Variants in SLC22A3 observed in about 807,000 individuals in gnomAD.
The protein encoded by SLC22A3 is EMT organic cation transporter 3.
SLC22A3 carries 51 observed loss-of-function variants against 59.1 expected under a neutral mutation model. The observed-to-expected ratio is 0.86, with a 90% CI of 0.69 to 1.09. The LOEUF is 1.09. Among genes scored for constraint, SLC22A3 ranks in the 50% least tolerant of loss-of-function variants. The probability of loss-of-function intolerance (pLI) is 0.00; values close to 1 mark genes in which losing one functional copy is unlikely to be tolerated. For synonymous variants in SLC22A3, 325 were observed against 292.0 expected, an observed-to-expected ratio of 1.11 and a Z score of -1.15; for missense variants, 711 against 726.3, an observed-to-expected ratio of 0.98 and a Z score of 0.24.
In SLC22A3 at chr6:160,348,433, A is replaced by C. The variant is rs774888334; in HGVS notation, c.14A>C (p.Asp5Ala). The part of the protein sequence containing the change: MPSF[D>A]EALQRVGEFG... ...GGCGGGCGCACCATGCCCTCCTTCG[A>C]CGAGGCGCTGCAGCGGGTGGGCGAG... is the stretch of plus-strand genomic sequence containing the variant. The change falls in exon 1 of 11, where the codon GAC becomes GCC. Residue 5 changes from aspartate (D) to alanine (A), a missense_variant. Physicochemically the swap from Asp to Ala is moderately radical, Grantham distance 126. Coordinates refer to ENST00000275300, the MANE Select transcript of SLC22A3 (RefSeq NM_021977.4). 6.6e-6 allele frequency: 10 copies of C among 1,508,644 alleles called. No homozygotes were observed. Among genetic ancestry groups the C allele is most frequent in the Non-Finnish European group, 8.8e-6 (10 of 1,132,540 alleles). 93.5% of individuals were successfully genotyped at this position (1,508,644 alleles called of 1,614,324 possible). A position where few individuals can be genotyped will look rare whatever the true frequency, so the allele number is the denominator to read the frequency against.
chr6:160,432,139 C>A (rs978658025), intron 5 of SLC22A3, among the ~76,000 whole-genome samples: 2 of 152,156 alleles, frequency 1.3e-5, no homozygotes, highest in African/African-American at 2.4e-5. Context: ...CCCAGAAGTC[C>A]ATTTCTCATT....
Position 160,415,548 on chromosome 6 carries a change from C to T in SLC22A3, c.975+4702C>T, listed in dbSNP as rs73590848. ...ACAGTTTCCAGGATGTTCAGACCCACGACTGAAGTTCCCAGCAATCTCTTT... is the reference window on the plus strand; with the variant it reads ...ACAGTTTCCAGGATGTTCAGACCCATGACTGAAGTTCCCAGCAATCTCTTT... On this transcript the variant is annotated intron_variant, in intron 5 of 10. Coordinates refer to ENST00000275300, the MANE Select transcript of SLC22A3 (RefSeq NM_021977.4). This position sits in a 1 kb window ranked among gnomAD's most constrained non-coding sequence, Gnocchi z 4.1. 0.027 allele frequency among the ~76,000 whole-genome samples: 4,117 copies of T among 152,300 alleles called. 175 individuals are homozygous for T. The highest frequency in any genetic ancestry group is 0.095 in the African/African-American group (3,936 of 41,560).
chr6:160,394,321 GA>G (rs1562482408), intron 1 of SLC22A3, among the ~76,000 whole-genome samples: 1 of 152,196 alleles, frequency 6.6e-6, no homozygotes, highest in Non-Finnish European at 1.5e-5. Flanking sequence ...CTTTATATCA[GA>G]AAAAAGTACT....
At chr6:160,438,576 C>A (rs773955701) in intron 7 of SLC22A3, among the ~76,000 whole-genome samples, 9 of 112,728 alleles carry the variant, frequency 8.0e-5, no homozygotes, top group Non-Finnish European at 1.2e-4. Flanking sequence ...TGCCAATATT[C>A]GGAACACACA....
chr6:160,383,068 C>G (rs1457612319), intron 1 of SLC22A3, among the ~76,000 whole-genome samples: 1 of 152,104 alleles, frequency 6.6e-6, no homozygotes, highest in Non-Finnish European at 1.5e-5. Flanking sequence ...CCAAGCTCTG[C>G]CTGTGCATTA....
At chr6:160,411,328 A>G (rs2114861651) in intron 5 of SLC22A3, among the ~76,000 whole-genome samples, 1 of 152,296 alleles carries the variant, frequency 6.6e-6, no homozygotes, top group Non-Finnish European at 1.5e-5. Flanking sequence ...GCAGTAATGT[A>G]ATATTTCAGC....
At chr6:160,401,971 A>G (rs1483249637) in intron 2 of SLC22A3, among the ~76,000 whole-genome samples, 1 of 151,992 alleles carries the variant, frequency 6.6e-6, no homozygotes, top group African/African-American at 2.4e-5. Flanking sequence ...AAACATAAGA[A>G]TAAAAAATAA....
intron 1 of SLC22A3, among the ~76,000 whole-genome samples, chr6:160,352,503 A>G (rs1382738601): frequency 7.2e-5 from 11 of 152,088 alleles, no homozygotes; most frequent in Non-Finnish European, 1.2e-4. Flanking sequence ...GCTTGCTAAT[A>G]TGGTATGGAT....
chr6:160,384,685 G>A (rs919585408), intron 1 of SLC22A3, among the ~76,000 whole-genome samples: 1 of 152,130 alleles, frequency 6.6e-6, no homozygotes, highest in African/African-American at 2.4e-5. Flanking sequence ...GTGGGAAGGA[G>A]ATCTAAGTGC....
chr6:160,366,676 A>C (rs902780116), intron 1 of SLC22A3, among the ~76,000 whole-genome samples: 5 of 152,130 alleles, frequency 3.3e-5, no homozygotes, highest in Non-Finnish European at 7.3e-5. Context: ...CACAATACAC[A>C]TCTGCCTGGA....
intron 1 of SLC22A3, among the ~76,000 whole-genome samples, chr6:160,353,202 CA>C (rs1474845581): frequency 6.6e-6 from 1 of 152,150 alleles, no homozygotes; most frequent in Non-Finnish European, 1.5e-5. Context: ...GCAGAATGGC[CA>C]AACAGATTCA....
intron 1 of SLC22A3, among the ~76,000 whole-genome samples, chr6:160,394,225 A>T (rs772660679): frequency 3.3e-5 from 5 of 152,246 alleles, no homozygotes; most frequent in Non-Finnish European, 7.3e-5. Context: ...TTCAGACTTA[A>T]GTGAATTGTT....
At chr6:160,433,287 A>C (rs1438409124) in intron 5 of SLC22A3, among the ~76,000 whole-genome samples, 1 of 152,234 alleles carries the variant, frequency 6.6e-6, no homozygotes, top group Non-Finnish European at 1.5e-5. Context: ...GAGAAAGGCA[A>C]TTATCTACAG....
chr6:160,384,671 C>T (rs1370809227), intron 1 of SLC22A3, among the ~76,000 whole-genome samples: 3 of 152,090 alleles, frequency 2.0e-5, no homozygotes, highest in Non-Finnish European at 4.4e-5. Context: ...GTCTGGGAGG[C>T]TGGGTGGGAA....
At chr6:160,351,324 C>T (rs1403873753) in intron 1 of SLC22A3, among the ~76,000 whole-genome samples, 1 of 152,156 alleles carries the variant, frequency 6.6e-6, no homozygotes, top group Non-Finnish European at 1.5e-5. Context: ...ACTGTGTTAG[C>T]CAGGATGGTC....
intron 5 of SLC22A3, among the ~76,000 whole-genome samples, chr6:160,432,993 C>G (rs1384057211): frequency 6.6e-6 from 1 of 152,174 alleles, no homozygotes; most frequent in Non-Finnish European, 1.5e-5. Context: ...ATTCAGGGGT[C>G]AGCAAACTAC....
chr6:160,434,492 G>A (rs1788266604), intron 5 of SLC22A3, among the ~76,000 whole-genome samples: 2 of 152,190 alleles, frequency 1.3e-5, no homozygotes, highest in African/African-American at 4.8e-5. Context: ...ATTAACAGAA[G>A]TACTAACTTT....
intron 4 of SLC22A3, among the ~76,000 whole-genome samples, chr6:160,410,212 T>C (rs1787189923): frequency 6.6e-6 from 1 of 152,210 alleles, no homozygotes; most frequent in African/African-American, 2.4e-5. Flanking sequence ...AGACAGAGTC[T>C]TACCATGTTG....
chr6:160,381,664 A>G (rs1043886027), intron 1 of SLC22A3, among the ~76,000 whole-genome samples: 1 of 152,242 alleles, frequency 6.6e-6, no homozygotes. Flanking sequence ...TTTATTTTAC[A>G]ACTATGAAGA....
Sources: gnomAD v4.1 joint callset for allele counts (sites outside exome capture counted in the v4.1 genomes callset) on GRCh38, gnomAD v4.1.1 for gene constraint, Gnocchi (gnomAD v3.1) non-coding constraint, MANE v1.5 for transcripts, NCBI Gene and HGNC (gene_info 2026-07-23, HGNC 2026-07-21) for gene names.